Variants in PCDH7 observed in about 807,000 individuals in gnomAD.
The protein encoded by PCDH7 is protocadherin 7, also known as protocadherin-7.
In PCDH7, 17 loss-of-function variants were observed where a neutral mutation model predicts 58.9. That is an observed-to-expected ratio of 0.29 (90% CI 0.20 to 0.43). PCDH7 has a LOEUF of 0.43. PCDH7 is among the 20% of genes least tolerant of loss of function. The probability of loss-of-function intolerance (pLI) is 1.00; values close to 1 mark genes in which losing one functional copy is unlikely to be tolerated. For synonymous variants in PCDH7, 664 were observed against 616.4 expected (o/e 1.08, Z -1.14); for missense variants, 1,274 against 1,441.0 (o/e 0.88, Z 1.88).
chr4:30,952,246 T>G (rs2109449243), intron 3 of PCDH7, among the ~76,000 whole-genome samples: 1 of 152,050 alleles, frequency 6.6e-6, no homozygotes, highest in Non-Finnish European at 1.5e-5. Flanking sequence ...TCAAATCTAA[T>G]GGCAGGAAAG....
Position 30,723,272 on chromosome 4 carries a change from C to T in PCDH7, c.1850C>T (p.Pro617Leu), listed in dbSNP as rs1714009497. The change falls in exon 1 of 2, where the codon CCC becomes CTC. Residue 617 changes from proline (P) to leucine (L), a missense_variant. Physicochemically the swap from Pro to Leu is moderately conservative, Grantham distance 98. Around this residue, in one of 3 missense-constraint regions of PCDH7, gnomAD observed 731 missense variants for 881.9 expected, o/e 0.83. Transcript: ENST00000361762. This position sits in a 1 kb window ranked among gnomAD's most constrained non-coding sequence, Gnocchi z 4.6. Reference sequence around the variant, plus strand: ...GTTAACGCCAAAGACAAAGGCATCCCCGTGCTGCAGGGCAGCACTACGGTG... The same window carrying T: ...GTTAACGCCAAAGACAAAGGCATCCTCGTGCTGCAGGGCAGCACTACGGTG... 6.2e-7 allele frequency: 1 copy of T among 1,614,072 alleles called. No individual in the cohort carries two copies. Among genetic ancestry groups the T allele is most frequent in the Non-Finnish European group, 8.5e-7 (1 of 1,180,056 alleles).
rs144461258 is a variant in PCDH7, at chr4:30,723,807, T to A, written c.2385T>A (p.Asp795Glu). ...ATCCCTTCAAGCTGTTTGAAATTGA[T>A]CCCACTAGTGGTGTGGTTTCCTTAG... The change falls in exon 1 of 2, where the codon GAT becomes GAA. Residue 795 changes from aspartate to glutamate, a missense_variant. Transcript: ENST00000361762. This position sits in a 1 kb window ranked among gnomAD's most constrained non-coding sequence, Gnocchi z 4.6. 1.2e-5 allele frequency: 20 copies of A among 1,614,020 alleles called. No homozygotes were observed. Among genetic ancestry groups the A allele is most frequent in the African/African-American group, 4.0e-5 (3 of 74,912 alleles).
intron 1 of PCDH7, among the ~76,000 whole-genome samples, chr4:30,800,431 T>A (rs1725386602): frequency 6.6e-6 from 1 of 152,208 alleles, no homozygotes; most frequent in Non-Finnish European, 1.5e-5. Context: ...ACCAGAGAGC[T>A]ATAATTACTC....
chr4:30,791,703 C>A (rs1724141809), intron 1 of PCDH7, among the ~76,000 whole-genome samples: 1 of 152,188 alleles, frequency 6.6e-6, no homozygotes. Flanking sequence ...TAATTCAAAT[C>A]TTATAGCTCT....
chr4:30,721,565 T>G lies in PCDH7; in HGVS notation c.143T>G (p.Ile48Ser). The change falls in exon 1 of 2, where the codon ATC becomes AGC. Residue 48 changes from isoleucine (I) to serine (S), a missense_variant. Physicochemically the swap from Ile to Ser is moderately radical, Grantham distance 142. Transcript: ENST00000361762. This position sits in a 1 kb window ranked among gnomAD's most constrained non-coding sequence, Gnocchi z 6.7. ...GAGGAGGGCCCCGCCGACGTCCGCA[T>G]CGGCAACGTGGCTTCAGACCTGGGC... 6.2e-7 allele frequency: 1 copy of G among 1,606,526 alleles called. No homozygotes were observed. The highest frequency in any genetic ancestry group is 1.1e-5 in the South Asian group (1 of 91,050).
intron 3 of PCDH7, among the ~76,000 whole-genome samples, chr4:30,968,632 A>G (rs1412875726): frequency 2.0e-5 from 3 of 151,936 alleles, no homozygotes; most frequent in Non-Finnish European, 4.4e-5. Flanking sequence ...TTGAATTTTG[A>G]AAGATTAATT....
chr4:30,901,324 A>G (rs1306935731), intron 1 of PCDH7, among the ~76,000 whole-genome samples: 1 of 152,154 alleles, frequency 6.6e-6, no homozygotes, highest in Non-Finnish European at 1.5e-5. Context: ...TATATATACC[A>G]ATCCTACTTA....
At chr4:30,754,229 A>G (rs1718980099) in intron 1 of PCDH7, among the ~76,000 whole-genome samples, 1 of 151,732 alleles carries the variant, frequency 6.6e-6, no homozygotes. Context: ...AGAGGTTACT[A>G]TTAGCCTCCA....
At chr4:31,090,755 A>T (rs1216106271) in intron 3 of PCDH7, among the ~76,000 whole-genome samples, 1 of 152,084 alleles carries the variant, frequency 6.6e-6, no homozygotes, top group African/African-American at 2.4e-5. Context: ...ATTGATGAGA[A>T]GCATAGTATT....
intron 3 of PCDH7, among the ~76,000 whole-genome samples, chr4:31,104,677 C>G (rs891269854): frequency 1.6e-4 from 25 of 152,158 alleles, no homozygotes; most frequent in African/African-American, 6.0e-4. Flanking sequence ...TAACACTGAG[C>G]TTTCTAAGAG....
chr4:30,765,125 CTTTTTTTTTTTTTTT>C (rs10692198), intron 1 of PCDH7, among the ~76,000 whole-genome samples: 1 of 49,198 alleles, frequency 2.0e-5, no homozygotes. Flanking sequence ...ACTTCAGATG[CTTTTTTTTTTTTTTT>C]TTTTTTTTTT....
At position 30,789,232 on chromosome 4, in the gene PCDH7, T is replaced by C. The variant is rs140411530; in HGVS notation, c.70+64636T>C. Among the ~76,000 whole-genome samples, 44 of 152,280 alleles carry C rather than the reference T, an allele frequency of 2.9e-4. No individual in the cohort carries two copies. In the East Asian group the frequency reaches 7.7e-3, roughly 27 times the overall value. On this transcript the variant is annotated intron_variant, in intron 1 of 3. Transcript: ENST00000509759. ...TTTGTTCTGCATCGAGTTGAATGCA[T>C]TGCCTGGCAGAATATTAAAGTGCAA...
chr4:30,954,444 T>C (rs1747654206), intron 3 of PCDH7, among the ~76,000 whole-genome samples: 1 of 152,184 alleles, frequency 6.6e-6, no homozygotes, highest in Non-Finnish European at 1.5e-5. Flanking sequence ...CATTTCTTTG[T>C]ACATTGTATG....
chr4:31,102,903 A>G (rs954742736), intron 3 of PCDH7, among the ~76,000 whole-genome samples: 1 of 152,202 alleles, frequency 6.6e-6, no homozygotes, highest in Non-Finnish European at 1.5e-5. Flanking sequence ...TCAGTAATAC[A>G]TAACTTTTGT....
chr4:31,069,870 C>T (rs375844920), intron 3 of PCDH7, among the ~76,000 whole-genome samples: 35,621 of 151,078 alleles, frequency 0.24, 4,432 homozygotes, highest in South Asian at 0.33. Context: ...CAAATTTTCT[C>T]CACTTGATTC....
chr4:30,879,439 A>G (rs1485629690), intron 1 of PCDH7, among the ~76,000 whole-genome samples: 2 of 151,064 alleles, frequency 1.3e-5, no homozygotes, highest in East Asian at 4.0e-4. Context: ...AAGTCATATT[A>G]GAGTATTTTT....
intron 3 of PCDH7, among the ~76,000 whole-genome samples, chr4:31,037,783 G>A (rs1755540521): frequency 6.6e-6 from 1 of 152,160 alleles, no homozygotes. Flanking sequence ...TCTGCTGTGA[G>A]GCCAGCATTT....
chr4:31,101,831 C>T lies in PCDH7; in HGVS notation c.*8-40642C>T, dbSNP rs1018750287. Among the ~76,000 whole-genome samples the T allele has an allele frequency of 3.6e-4, 55 of 152,072 alleles. 2 individuals are homozygous for T. Among genetic ancestry groups the T allele is most frequent in the Non-Finnish European group, 4.4e-5 (3 of 68,020 alleles). ...TGATTTACAGATATATGAGATGTTC[C>T]CCTTGTGTGCTTGTTGCATCTGTAC... On this transcript the variant is annotated intron_variant, in intron 3 of 3. Coordinates refer to the PCDH7 transcript ENST00000509759.
At chr4:31,009,213 T>A (rs1169520078) in intron 3 of PCDH7, among the ~76,000 whole-genome samples, 2 of 152,116 alleles carry the variant, frequency 1.3e-5, no homozygotes, top group Non-Finnish European at 2.9e-5. Flanking sequence ...TTTACTCATG[T>A]GATAAATTGT....
Sources: allele counts gnomAD v4.1 joint callset (sites outside exome capture counted in the v4.1 genomes callset), GRCh38; gene constraint gnomAD v4.1.1; regional missense constraint gnomAD v4.1.1; non-coding constraint Gnocchi (gnomAD v3.1); transcripts MANE v1.5; gene names NCBI Gene and HGNC (gene_info 2026-07-23, HGNC 2026-07-21).